Variants in COL15A1 observed in about 807,000 individuals in gnomAD.
COL15A1 encodes the protein collagen alpha-1(XV) chain.
COL15A1 carries 111 observed loss-of-function variants against 165.9 expected under a neutral mutation model. That is an observed-to-expected ratio of 0.67 (90% confidence interval 0.57 to 0.78). COL15A1 has a LOEUF of 0.78. Ranked by LOEUF, COL15A1 falls within the 30% of genes least tolerant of loss-of-function variation. The pLI is 0.00. For missense variants in COL15A1, 1,745 were observed against 1,789.7 expected (o/e 0.98, Z 0.45); for synonymous variants, 659 against 674.8 (o/e 0.98, Z 0.36).
chr9:98,948,894 G>A (rs1185433318), intron 2 of COL15A1, among the ~76,000 whole-genome samples: 1 of 152,224 alleles, frequency 6.6e-6, no homozygotes, highest in African/African-American at 2.4e-5. Context: ...AAAAGTGCAT[G>A]CTAAAGGTAC....
chr9:99,067,935 A>G (rs890969265), intron 40 of COL15A1, among the ~76,000 whole-genome samples: 11 of 152,372 alleles, frequency 7.2e-5, no homozygotes, highest in Admixed American at 2.6e-4. Context: ...TGTATGCATA[A>G]TATTTTCAAA....
chr9:98,988,457 A>G (rs1355031271), intron 4 of COL15A1, among the ~76,000 whole-genome samples: 1 of 152,238 alleles, frequency 6.6e-6, no homozygotes, highest in Non-Finnish European at 1.5e-5. Flanking sequence ...AGATTAGGTA[A>G]TGCCAGGAAG....
chr9:99,013,940 G>T (rs1838886667), intron 9 of COL15A1, among the ~76,000 whole-genome samples: 2 of 152,054 alleles, frequency 1.3e-5, no homozygotes, highest in Non-Finnish European at 2.9e-5. Context: ...AAGTTTTTAA[G>T]ACAGGAAGCA....
chr9:98,971,706 C>G, intron 2 of COL15A1, among the ~76,000 whole-genome samples: 1 of 152,342 alleles, frequency 6.6e-6, no homozygotes, highest in East Asian at 1.9e-4. Flanking sequence ...TCTTGCACTG[C>G]GGCTAACTGC....
rs930894219 is a variant in COL15A1, at chr9:99,045,982, C to G, written c.2679+1212C>G. On this transcript the variant is annotated intron_variant, in intron 26 of 41. Transcript: ENST00000375001. ...AAAGACCTTCTGAGGCCTTTGGTCC[C>G]TGAAGTTAAGAAGAGTGGACACCCA... Among the ~76,000 whole-genome samples, 17 of 152,176 alleles carry G rather than the reference C, an allele frequency of 1.1e-4. No homozygotes were observed. The South Asian group carries it at 1.5e-3, about 13-fold the overall frequency.
At chr9:99,043,515 C>T (rs1839447243) in intron 24 of COL15A1, among the ~76,000 whole-genome samples, 2 of 152,184 alleles carry the variant, frequency 1.3e-5, no homozygotes, top group East Asian at 1.9e-4. Flanking sequence ...TCTGCTCTGG[C>T]CATTGCAGTG....
At chr9:98,998,152 C>T (rs1838580877) in intron 6 of COL15A1, among the ~76,000 whole-genome samples, 1 of 152,146 alleles carries the variant, frequency 6.6e-6, no homozygotes, top group Admixed American at 6.5e-5. Context: ...GTATTAGATA[C>T]ATCACATATT....
intron 35 of COL15A1, 111 bp downstream of exon 35, chr9:99,056,515 G>T: frequency 1.4e-6 from 2 of 1,420,372 alleles, no homozygotes; most frequent in Non-Finnish European, 1.8e-6. Flanking sequence ...GGCTTTCCTG[G>T]ATACCGCCTT....
intron 16 of COL15A1, among the ~76,000 whole-genome samples, chr9:99,029,817 C>G (rs1053637033): frequency 1.3e-5 from 2 of 151,954 alleles, no homozygotes; most frequent in African/African-American, 4.8e-5. Flanking sequence ...CCCAGCTACT[C>G]GGGAGGCTGA....
At chr9:98,947,844 G>T (rs1044618356) in intron 2 of COL15A1, among the ~76,000 whole-genome samples, 1 of 152,100 alleles carries the variant, frequency 6.6e-6, no homozygotes, top group African/African-American at 2.4e-5. Context: ...TTAAAAAGTG[G>T]GTCTTTGTAA....
chr9:99,034,577 G>T lies in COL15A1; in HGVS notation c.2072G>T (p.Gly691Val). The T allele has an allele frequency of 2.9e-6, 3 of 1,039,084 alleles. No homozygotes were observed. The highest frequency in any genetic ancestry group is 1.3e-6 in the Non-Finnish European group (1 of 751,982). 64.4% of individuals were successfully genotyped at this position (1,039,084 alleles called of 1,614,324 possible). ...KGARGPNGSV[G>V]EKGDPGNRGL... is the part of the protein sequence containing the mutation. ...GCAAGAGGGCCTAATGGCTCAGTTG[G>T]TGAAAAGGTAAAAAAAAAAAAAAAA... is the stretch of plus-strand genomic sequence containing the variant. Residue 691 changes from glycine to valine, a missense_variant, in exon 17 of 42, where the codon GGT becomes GTT. Transcript: ENST00000375001.
chr9:99,040,793 AC>A, intron 23 of COL15A1: 1 of 637,616 alleles, frequency 1.6e-6, no homozygotes, highest in South Asian at 2.3e-5. Context: ...TGCTGGGATT[AC>A]AAGCATGAGC....
At chr9:98,983,782 C>T (rs1046117352) in intron 2 of COL15A1, among the ~76,000 whole-genome samples, 1 of 152,188 alleles carries the variant, frequency 6.6e-6, no homozygotes, top group Non-Finnish European at 1.5e-5. Flanking sequence ...CTCATTTAGT[C>T]ATTCTTTTGG....
intron 2 of COL15A1, among the ~76,000 whole-genome samples, chr9:98,948,453 C>G (rs1837621401): frequency 6.6e-6 from 1 of 152,036 alleles, no homozygotes; most frequent in African/African-American, 2.4e-5. Flanking sequence ...AAAAAATTAG[C>G]CAGGCATGGT....
At chr9:98,946,859 G>A (rs2118737343) in intron 2 of COL15A1, among the ~76,000 whole-genome samples, 1 of 152,298 alleles carries the variant, frequency 6.6e-6, no homozygotes, top group East Asian at 1.9e-4. Flanking sequence ...CACAATTTGA[G>A]CCCAGAGGGT....
chr9:99,031,847 T>TATA (rs1429636250), intron 16 of COL15A1, among the ~76,000 whole-genome samples: 2 of 152,220 alleles, frequency 1.3e-5, no homozygotes, highest in African/African-American at 4.8e-5. Flanking sequence ...CCTCTTTAAT[T>TATA]ATTTTTGTTA....
At chr9:98,945,322 A>G (rs1168343656) in intron 2 of COL15A1, among the ~76,000 whole-genome samples, 1 of 152,184 alleles carries the variant, frequency 6.6e-6, no homozygotes, top group East Asian at 1.9e-4. Flanking sequence ...GGTTGAGAGA[A>G]GCTTAGAAAG....
At chr9:99,052,486 G>A in intron 31 of COL15A1, 53 bp downstream of exon 31, 1 of 1,449,260 alleles carries the variant, frequency 6.9e-7, no homozygotes, top group Non-Finnish European at 9.7e-7. Flanking sequence ...CCTTGAGGAA[G>A]ATGGTTTTCC....
chr9:99,032,293 G>A (rs943632890), intron 16 of COL15A1, among the ~76,000 whole-genome samples: 1 of 152,086 alleles, frequency 6.6e-6, no homozygotes, highest in African/African-American at 2.4e-5. Flanking sequence ...GGGTTCAAAC[G>A]ATTCTCCTGC....
Sources: gnomAD v4.1 joint callset for allele counts (sites outside exome capture counted in the v4.1 genomes callset) on GRCh38, gnomAD v4.1.1 for gene constraint, MANE v1.5 for transcripts, NCBI Gene and HGNC (gene_info 2026-07-23, HGNC 2026-07-21) for gene names.